Variants in HOOK3 observed in about 807,000 individuals in gnomAD.
The protein encoded by HOOK3 is protein Hook homolog 3.
A neutral mutation model predicts 116.3 loss-of-function variants in HOOK3; 24 were observed. That is an observed-to-expected ratio of 0.21 (90% CI 0.15 to 0.29). HOOK3 has a LOEUF of 0.29. Ranked by LOEUF, HOOK3 falls within the 10% of genes least tolerant of loss-of-function variation. The pLI is 1.00. For missense variants in HOOK3, 632 were observed against 830.2 expected (o/e 0.76, Z 2.93); for synonymous variants, 275 against 283.0 (o/e 0.97, Z 0.28).
chr8:42,974,209 C>T lies in HOOK3; in HGVS notation c.1321+15C>T, dbSNP rs375078446. ...CACAACACAAGGTAAAAACGTTTTG[C>T]GAGTACAAACCAGATGATTTCTTTT... On this transcript the variant is annotated intron_variant, in intron 13 of 21. Transcript: ENST00000307602. 3.3e-4 allele frequency: 518 copies of T among 1,571,828 alleles called. No individual in the cohort carries two copies. The highest frequency in any genetic ancestry group is 4.3e-4 in the Non-Finnish European group (490 of 1,142,752).
At chr8:42,897,763 G>T (rs527438359) in intron 1 of HOOK3, among the ~76,000 whole-genome samples, 1 of 152,390 alleles carries the variant, frequency 6.6e-6, no homozygotes, top group East Asian at 1.9e-4. Context: ...GGACAGAGTC[G>T]TGGGATTCTG....
intron 8 of HOOK3, among the ~76,000 whole-genome samples, chr8:42,962,796 C>CTTCTTTTTTTTT (rs1554512590): frequency 1.6e-4 from 16 of 99,346 alleles, no homozygotes; most frequent in African/African-American, 4.8e-4. Flanking sequence ...ACTTCTTCTT[C>CTTCTTTTTTTTT]TTTTTTTTTT....
At chr8:42,982,839 C>A in intron 14 of HOOK3, 143 bp downstream of exon 14, 1 of 618,580 alleles carries the variant, frequency 1.6e-6, no homozygotes. Context: ...TTTATGTTTT[C>A]AACATGTTAA....
At chr8:43,011,023 C>G (rs535351320) in intron 19 of HOOK3, among the ~76,000 whole-genome samples, 1 of 151,390 alleles carries the variant, frequency 6.6e-6, no homozygotes, top group Non-Finnish European at 1.5e-5. Flanking sequence ...GATGGAGTCT[C>G]GCTCTGTCGC....
intron 13 of HOOK3, among the ~76,000 whole-genome samples, chr8:42,979,492 G>A (rs138730153): frequency 6.6e-6 from 1 of 152,246 alleles, no homozygotes; most frequent in Non-Finnish European, 1.5e-5. Flanking sequence ...TGGATTGCTT[G>A]TTTGGCTTCA....
intron 7 of HOOK3, among the ~76,000 whole-genome samples, chr8:42,957,469 C>T (rs1470703355): frequency 1.3e-5 from 2 of 152,058 alleles, no homozygotes; most frequent in Non-Finnish European, 2.9e-5. Flanking sequence ...TTAGTGATAT[C>T]AGTGTGCCAC....
At chr8:43,009,934 G>A (rs1347416955) in intron 18 of HOOK3, among the ~76,000 whole-genome samples, 1 of 151,668 alleles carries the variant, frequency 6.6e-6, no homozygotes, top group Non-Finnish European at 1.5e-5. Flanking sequence ...TTTGTATCTG[G>A]TTTATTTCAC....
chr8:42,898,277 C>T (rs1277363298), intron 1 of HOOK3, among the ~76,000 whole-genome samples: 3 of 152,178 alleles, frequency 2.0e-5, no homozygotes, highest in African/African-American at 7.2e-5. Flanking sequence ...AATTTCTGTC[C>T]TCTGAAACAG....
At chr8:42,972,826 C>T (rs796172471) in intron 11 of HOOK3, among the ~76,000 whole-genome samples, 3 of 152,264 alleles carry the variant, frequency 2.0e-5, no homozygotes, top group African/African-American at 7.2e-5. Context: ...AACAACCACT[C>T]ATCTCCTTTT....
At chr8:43,014,897 C>A (rs536319448) in intron 21 of HOOK3, among the ~76,000 whole-genome samples, 2 of 152,056 alleles carry the variant, frequency 1.3e-5, no homozygotes, top group African/African-American at 4.8e-5. Context: ...GTAATCATGG[C>A]ACTTTGGGAG....
At chr8:42,927,496 T>A (rs1807791601) in intron 3 of HOOK3, among the ~76,000 whole-genome samples, 1 of 152,208 alleles carries the variant, frequency 6.6e-6, no homozygotes, top group Non-Finnish European at 1.5e-5. Flanking sequence ...CCTCAGGTGA[T>A]CTGCCCGCCT....
chr8:43,018,235 G>A, intron 21 of HOOK3, 123 bp from the exon 22 acceptor site: 2 of 870,910 alleles, frequency 2.3e-6, no homozygotes, highest in Admixed American at 3.4e-5. Context: ...ATAGTGAGTA[G>A]TATTAACATT....
At chr8:42,945,032 C>A (rs1033959517) in intron 5 of HOOK3, among the ~76,000 whole-genome samples, 2 of 152,134 alleles carry the variant, frequency 1.3e-5, no homozygotes, top group Non-Finnish European at 2.9e-5. Flanking sequence ...GCATGAGCTG[C>A]AGTGTGCATC....
rs201719195 is a variant in HOOK3 at position 42,943,460 on chromosome 8, G to C, written c.400+15G>C. The C allele has an allele frequency of 1.6e-3, 2,303 of 1,410,318 alleles. 21 individuals carry two copies. In the South Asian group the frequency reaches 0.022, roughly 14 times the overall value. The allele number at this position is 1,410,318 out of a possible 1,614,324, so 87.4% of individuals were successfully genotyped here. ...ACAGAAGCAAGGTAATTTGTTTCAA[G>C]TTAGTGTTTGCATTTAAAATAATGA... On this transcript the variant is annotated intron_variant, in intron 5 of 21. Transcript: ENST00000307602.
chr8:42,995,611 T>G (rs1809249668), intron 15 of HOOK3, among the ~76,000 whole-genome samples: 1 of 152,176 alleles, frequency 6.6e-6, no homozygotes, highest in Non-Finnish European at 1.5e-5. Flanking sequence ...CTCAGTTAAC[T>G]CCACATGGCT....
At chr8:43,005,636 GACT>G (rs1170064876) in intron 17 of HOOK3, among the ~76,000 whole-genome samples, 8 of 151,938 alleles carry the variant, frequency 5.3e-5, no homozygotes, top group Middle Eastern at 3.2e-3. Flanking sequence ...AGACATGCAT[GACT>G]ACTAAGTTTT....
intron 11 of HOOK3, among the ~76,000 whole-genome samples, chr8:42,971,289 CAG>C (rs1808722232): frequency 6.6e-6 from 1 of 152,128 alleles, no homozygotes; most frequent in South Asian, 2.1e-4. Context: ...GAGACAGAGT[CAG>C]AGTCTCGCTC....
chr8:43,005,180 G>GCTCTCT (rs577303409), intron 17 of HOOK3, among the ~76,000 whole-genome samples: 33 of 113,352 alleles, frequency 2.9e-4, no homozygotes, highest in African/African-American at 6.2e-4. Context: ...AAAATTAAGT[G>GCTCTCT]CTCTCTCTCT....
At chr8:42,973,444 T>TTTTA in intron 12 of HOOK3, 45 bp downstream of exon 12, 1 of 1,210,342 alleles carries the variant, frequency 8.3e-7, no homozygotes, top group Non-Finnish European at 1.2e-6. Context: ...ACTGCTAAAA[T>TTTTA]TAAGGCGATT....
Sources: allele counts gnomAD v4.1 joint callset (sites outside exome capture counted in the v4.1 genomes callset), GRCh38; gene constraint gnomAD v4.1.1; transcripts MANE v1.5; gene names NCBI Gene and HGNC (gene_info 2026-07-23, HGNC 2026-07-21).